Variants in UBN2 observed in about 807,000 individuals in gnomAD.
UBN2 encodes the protein ubinuclein 2, also known as ubinuclein-2.
UBN2 carries 35 observed loss-of-function variants against 120.2 expected under a neutral mutation model. The ratio of observed to expected loss-of-function variants is 0.29; its 90% confidence interval spans 0.22 to 0.39. The LOEUF (loss-of-function observed/expected upper bound fraction) is 0.39. Among genes scored for constraint, UBN2 ranks in the 10% least tolerant of loss-of-function variants. The probability of loss-of-function intolerance (pLI) is 1.00; values close to 1 mark genes in which losing one functional copy is unlikely to be tolerated. For missense variants in UBN2, 1,693 were observed against 1,663.2 expected, an observed-to-expected ratio of 1.02 and a Z score of -0.31; for synonymous variants, 661 against 648.7, an observed-to-expected ratio of 1.02 and a Z score of -0.29.
At chr7:139,239,306 C>G (rs928596875) in intron 2 of UBN2, among the ~76,000 whole-genome samples, 25 of 151,950 alleles carry the variant, frequency 1.6e-4, no homozygotes, top group Admixed American at 1.5e-3. Context: ...CATGCTGTTT[C>G]ATTGCATGGA....
rs771169828 is a variant in UBN2, at chr7:139,261,473, G to A, written c.1127G>A (p.Ser376Asn). The change falls in exon 6 of 18, where the codon AGC becomes AAC. Residue 376 changes from serine to asparagine, a missense_variant. By Grantham distance (46) the Ser-to-Asn change is conservative. Around this residue, in one of 5 missense-constraint regions of UBN2, gnomAD observed 663 missense variants for 591.2 expected, o/e 1.12. Coordinates refer to ENST00000473989, the MANE Select transcript of UBN2 (RefSeq NM_173569.4). ...GACGTCCCGGACTTAAATCTGAGCA[G>A]CGGTGATCCAGACCTTCCCATTTTT... Reference protein sequence around the residue: ...GNDVPDLNLSSGDPDLPIFVS... With the variant: ...GNDVPDLNLSNGDPDLPIFVS... 5.0e-6 allele frequency: 8 copies of A among 1,614,200 alleles called. No individual in the cohort carries two copies. The highest frequency in any genetic ancestry group is 6.8e-6 in the Non-Finnish European group (8 of 1,180,044).
chr7:139,276,288 ATTT>A lies in UBN2; in HGVS notation c.2024+142_2024+144del. Reference sequence around the variant, plus strand: ...ATTGACTATTTAGACTTCAGAACACATTTATCTATTGAAATAATTGTCAGGGTA... The same window carrying A: ...ATTGACTATTTAGACTTCAGAACACAATCTATTGAAATAATTGTCAGGGTA... On this transcript the variant is annotated intron_variant, in intron 12 of 17. Transcript: ENST00000473989. 3.9e-6 allele frequency: 3 copies of A among 777,008 alleles called. No individual in the cohort carries two copies. The South Asian group carries it at 4.7e-5, about 12-fold the overall frequency. 48.1% of individuals were successfully genotyped at this position (777,008 alleles called of 1,614,324 possible).
chr7:139,290,176 C>T (rs1052584458), intron 15 of UBN2, among the ~76,000 whole-genome samples: 1 of 152,166 alleles, frequency 6.6e-6, no homozygotes. Flanking sequence ...TCTCATGATC[C>T]GCCCACCTTG....
At chr7:139,263,006 G>A (rs145737691) in intron 6 of UBN2, among the ~76,000 whole-genome samples, 19 of 152,282 alleles carry the variant, frequency 1.2e-4, no homozygotes, top group Non-Finnish European at 2.5e-4. Flanking sequence ...GATAGGGACT[G>A]TAACACCAAC....
Position 139,293,980 on chromosome 7 carries a change from C to A in UBN2, c.3993C>A (p.His1331Gln). The A allele has an allele frequency of 6.2e-7, 1 of 1,613,778 alleles. No homozygotes were observed. ...CTGCACACTTACAGCAAGCATTTCA[C>A]GGTGAGAACGCCACCTCCTTCATCT... ...PLPAHLQQAFHDGGQSKGDTK... is the reference protein window; with the variant it reads ...PLPAHLQQAFQDGGQSKGDTK... Residue 1331 changes from histidine to glutamine, a missense_variant and splice_region_variant, in exon 17 of 18, where the codon CAC (histidine) becomes CAA (glutamine). By Grantham distance (24) the His-to-Gln change is conservative (BLOSUM62 0). Coordinates refer to ENST00000473989, the MANE Select transcript of UBN2 (RefSeq NM_173569.4).
At chr7:139,248,373 T>C (rs1378479164) in intron 2 of UBN2, among the ~76,000 whole-genome samples, 1 of 152,174 alleles carries the variant, frequency 6.6e-6, no homozygotes, top group Non-Finnish European at 1.5e-5. Flanking sequence ...AAGGGTTTTA[T>C]TGGTACATTC....
rs1798375464 is a variant in UBN2 at position 139,307,348 on chromosome 7, ACAAGCT to A, written c.*9513_*9518del. ...CCTCCTTTAAAAACTGGACCTGAAC[ACAAGCT>A]TTGAGTTGATGTTTGTAATAATCTC... is the stretch of plus-strand genomic sequence containing the variant. On this transcript the variant is annotated 3_prime_UTR_variant, in exon 18 of 18. Coordinates refer to ENST00000473989, the MANE Select transcript of UBN2 (RefSeq NM_173569.4). 6.6e-6 allele frequency: 1 copy of A among 152,086 alleles called. No individual in the cohort carries two copies. Among genetic ancestry groups the A allele is most frequent in the Non-Finnish European group, 1.5e-5 (1 of 68,020 alleles). 9.4% of individuals were successfully genotyped at this position (152,086 alleles called of 1,614,324 possible). A position where few individuals can be genotyped will look rare whatever the true frequency, so the allele number is the denominator to read the frequency against.
At chr7:139,309,702 C>A (rs1217013754), downstream of UBN2, among the ~76,000 whole-genome samples, 1 of 152,112 alleles carries the variant, frequency 6.6e-6, no homozygotes, top group Non-Finnish European at 1.5e-5. Context: ...GAAACCCCGT[C>A]TTCTACTAAA....
intron 2 of UBN2, among the ~76,000 whole-genome samples, chr7:139,244,620 A>C (rs1271873218): frequency 5.3e-5 from 8 of 152,040 alleles, no homozygotes; most frequent in Admixed American, 5.2e-4. Flanking sequence ...TTCCAGTTCT[A>C]TCCCTTCTCT....
intron 7 of UBN2, among the ~76,000 whole-genome samples, chr7:139,268,519 C>G (rs577225070): frequency 6.6e-6 from 1 of 152,238 alleles, no homozygotes; most frequent in East Asian, 1.9e-4. Flanking sequence ...ATAGGGAACC[C>G]CCCCTTTTTT....
intron 6 of UBN2, among the ~76,000 whole-genome samples, chr7:139,262,126 C>T (rs1796955493): frequency 6.6e-6 from 1 of 151,684 alleles, no homozygotes; most frequent in African/African-American, 2.4e-5. Flanking sequence ...TGAGACAAAG[C>T]CTTGCTCCGT....
rs528547865 is a variant in UBN2, at chr7:139,267,194, A to G, written c.1466+791A>G. ...ATTTTAGCCCTCTCTGGTGAAAATA[A>G]TGTTTGCTTATTCTTAGTGGCTTAG... is the stretch of plus-strand genomic sequence containing the variant. On this transcript the variant is annotated intron_variant, in intron 7 of 17. Transcript: ENST00000473989. Among the ~76,000 whole-genome samples the G allele has an allele frequency of 1.3e-4, 20 of 152,320 alleles. No individual in the cohort carries two copies. In the South Asian group the frequency reaches 3.9e-3, roughly 30 times the overall value.
intron 15 of UBN2, among the ~76,000 whole-genome samples, chr7:139,287,596 C>T (rs1585026656): frequency 6.6e-6 from 1 of 151,904 alleles, no homozygotes; most frequent in East Asian, 1.9e-4. Flanking sequence ...CTAACTACTC[C>T]CTCCTGGTTT....
chr7:139,232,052 C>G, intron 1 of UBN2, 100 bp downstream of exon 1: 2 of 1,214,698 alleles, frequency 1.6e-6, no homozygotes, highest in Non-Finnish European at 2.2e-6. Flanking sequence ...CGAGCGCGTC[C>G]GGGTCGCCCC....
chr7:139,264,751 A>G lies in UBN2; in HGVS notation c.1396-1582A>G, dbSNP rs547226030. Among the ~76,000 whole-genome samples the G allele has an allele frequency of 5.9e-5, 9 of 152,148 alleles. No individual in the cohort carries two copies. The East Asian group carries it at 1.7e-3, about 29-fold the overall frequency. On this transcript the variant is annotated intron_variant, in intron 6 of 17. Coordinates refer to ENST00000473989, the MANE Select transcript of UBN2 (RefSeq NM_173569.4). ...CTAGAAGGTGCATGCCACCACACCC[A>G]GCTAATTTTTGTATTTTTAGTAGAG...
intron 2 of UBN2, among the ~76,000 whole-genome samples, chr7:139,250,005 C>T (rs1796579031): frequency 6.6e-6 from 1 of 152,090 alleles, no homozygotes; most frequent in Non-Finnish European, 1.5e-5. Flanking sequence ...CTGGCCTTCT[C>T]TTCTCTTTCT....
At chr7:139,262,448 T>C (rs879643248) in intron 6 of UBN2, among the ~76,000 whole-genome samples, 1 of 152,134 alleles carries the variant, frequency 6.6e-6, no homozygotes, top group African/African-American at 2.4e-5. Flanking sequence ...TGGTGGCACA[T>C]GCATGTAATC....
rs970284799 is a variant in UBN2, at chr7:139,294,093, T to G, written c.3994+112T>G. The G allele has an allele frequency of 1.1e-5, 11 of 1,006,576 alleles. No individual in the cohort carries two copies. In the African/African-American group the frequency reaches 1.1e-4, roughly 10 times the overall value. 62.4% of individuals were successfully genotyped at this position (1,006,576 alleles called of 1,614,324 possible). A position where few individuals can be genotyped will look rare whatever the true frequency, so the allele number is the denominator to read the frequency against. The stretch of plus-strand genomic sequence containing the variant: ...ATGACAAAGGTTGGAAAATGCAAAT[T>G]TTCATAGACTGAATCCTCATTCCTC... On this transcript the variant is annotated intron_variant, in intron 17 of 17. Coordinates refer to ENST00000473989, the MANE Select transcript of UBN2 (RefSeq NM_173569.4).
chr7:139,239,183 A>G (rs960030936), intron 2 of UBN2, among the ~76,000 whole-genome samples: 20 of 152,152 alleles, frequency 1.3e-4, no homozygotes, highest in African/African-American at 4.8e-4. Flanking sequence ...CTTTTTATAC[A>G]TATTATAGAA....
Sources: allele counts gnomAD v4.1 joint callset (sites outside exome capture counted in the v4.1 genomes callset), GRCh38; gene constraint gnomAD v4.1.1; regional missense constraint gnomAD v4.1.1; transcripts MANE v1.5; gene names NCBI Gene and HGNC (gene_info 2026-07-23, HGNC 2026-07-21).